Variants in SEC24D observed in about 807,000 individuals in gnomAD.
SEC24D encodes protein transport protein Sec24D.
SEC24D carries 69 observed loss-of-function variants against 116.9 expected under a neutral mutation model. The ratio of observed to expected loss-of-function variants is 0.59; its 90% confidence interval spans 0.49 to 0.72. The LOEUF (loss-of-function observed/expected upper bound fraction) is 0.72, where lower values mean the gene tolerates loss of function less well. Ranked by LOEUF, SEC24D falls within the 30% of genes least tolerant of loss-of-function variation. SEC24D has a pLI of 0.00. For synonymous variants in SEC24D, 405 were observed against 442.8 expected (o/e 0.91, Z 1.07); for missense variants, 1,131 against 1,264.1 (o/e 0.89, Z 1.60).
At chr4:118,814,577 C>T (rs546896483) in intron 6 of SEC24D, among the ~76,000 whole-genome samples, 6 of 152,124 alleles carry the variant, frequency 3.9e-5, no homozygotes, top group African/African-American at 1.2e-4. Flanking sequence ...TTAGTTCTAA[C>T]TTTACATTAA....
At chr4:118,798,372 C>T (rs899535959) in intron 7 of SEC24D, among the ~76,000 whole-genome samples, 2 of 151,920 alleles carry the variant, frequency 1.3e-5, no homozygotes, top group South Asian at 2.1e-4. Flanking sequence ...TCAAAAACAC[C>T]CTAAACTATT....
chr4:118,790,376 G>A (rs1334903818), intron 8 of SEC24D, among the ~76,000 whole-genome samples: 2 of 151,998 alleles, frequency 1.3e-5, no homozygotes, highest in Non-Finnish European at 2.9e-5. Context: ...CTATTTTAGA[G>A]AAAAAAATGC....
chr4:118,752,611 A>G, intron 12 of SEC24D, 86 bp downstream of exon 12: 1 of 909,778 alleles, frequency 1.1e-6, no homozygotes, highest in East Asian at 2.8e-5. Flanking sequence ...CTAATGATAA[A>G]ACAATGTATG....
intron 7 of SEC24D, among the ~76,000 whole-genome samples, chr4:118,805,462 T>C (rs1351038658): frequency 6.6e-6 from 1 of 152,218 alleles, no homozygotes; most frequent in Admixed American, 6.5e-5. Context: ...GAAAATATTG[T>C]TGGGGCTAGA....
intron 10 of SEC24D, among the ~76,000 whole-genome samples, chr4:118,762,248 T>G (rs376574962): frequency 5.3e-5 from 8 of 152,260 alleles, no homozygotes; most frequent in Admixed American, 4.6e-4. Context: ...TCCAGGATGA[T>G]TGTGTTAATA....
chr4:118,726,222 G>A (rs1006036466), intron 22 of SEC24D, among the ~76,000 whole-genome samples: 1 of 152,330 alleles, frequency 6.6e-6, no homozygotes, highest in South Asian at 2.1e-4. Context: ...CATGTTGAGC[G>A]AGAAGAGAGC....
At chr4:118,814,712 T>C (rs1730062582) in intron 6 of SEC24D, among the ~76,000 whole-genome samples, 1 of 152,132 alleles carries the variant, frequency 6.6e-6, no homozygotes, top group Non-Finnish European at 1.5e-5. Context: ...AGTCTGTTAA[T>C]TACTCATTAG....
intron 3 of SEC24D, among the ~76,000 whole-genome samples, chr4:118,818,918 C>T (rs115841156): frequency 0.044 from 6,661 of 152,266 alleles, 202 homozygotes; most frequent in Non-Finnish European, 0.064. Flanking sequence ...TCCTGTCAAA[C>T]TTTTCAAAAA....
intron 21 of SEC24D, chr4:118,730,113 C>T (rs1366525679): frequency 6.6e-6 from 1 of 152,188 alleles, no homozygotes; most frequent in Non-Finnish European, 1.5e-5. Context: ...CTGGCTATTT[C>T]CTGTGGATGT....
intron 1 of SEC24D, among the ~76,000 whole-genome samples, chr4:118,835,656 G>C (rs917573773): frequency 6.6e-6 from 1 of 152,232 alleles, no homozygotes; most frequent in East Asian, 1.9e-4. Context: ...ACACTCGAAT[G>C]GTGGCCACTG....
chr4:118,816,969 C>A, intron 4 of SEC24D: 1 of 342,182 alleles, frequency 2.9e-6, no homozygotes, highest in Non-Finnish European at 5.4e-6. Context: ...AATAATTTCA[C>A]TATTCTAATG....
chr4:118,738,545 AT>A (rs1560614669), intron 18 of SEC24D, among the ~76,000 whole-genome samples, 166 bp from the exon 19 acceptor site: 1 of 152,228 alleles, frequency 6.6e-6, no homozygotes, highest in Non-Finnish European at 1.5e-5. Context: ...TCTTGACTAA[AT>A]ATGATGATCT....
At chr4:118,812,059 C>T (rs1466137092) in intron 6 of SEC24D, among the ~76,000 whole-genome samples, 1 of 152,160 alleles carries the variant, frequency 6.6e-6, no homozygotes, top group Non-Finnish European at 1.5e-5. Flanking sequence ...CAAGCCTAAG[C>T]TTCAAAAGGC....
At position 118,752,693 on chromosome 4, in the gene SEC24D, T is replaced by G. The variant is rs893084977; in HGVS notation, c.1613+4A>C. ...TTTTAAATTATAAAACACTTGATAT[T>G]TACTTATGAATCACAGATTGGGATT... is the stretch of plus-strand genomic sequence containing the variant. On this transcript the variant is annotated splice_donor_region_variant and intron_variant, in intron 12 of 22. Transcript: ENST00000280551. 2.5e-6 allele frequency: 4 copies of G among 1,585,568 alleles called. No individual in the cohort carries two copies. The African/African-American group carries it at 5.4e-5, about 22-fold the overall frequency.
chr4:118,723,424 T>G lies in SEC24D; in HGVS notation c.*91A>C. The stretch of plus-strand genomic sequence containing the variant: ...AGTTATTCTGAAAATGAGCAAGAAA[T>G]CAAAACTAGCCTATTATCATCTAGA... On this transcript the variant is annotated 3_prime_UTR_variant, in exon 23 of 23. Coordinates refer to ENST00000280551, the MANE Select transcript of SEC24D (RefSeq NM_014822.4). 7.6e-7 allele frequency: 1 copy of G among 1,324,290 alleles called. No homozygotes were observed. The highest frequency in any genetic ancestry group is 1.0e-6 in the Non-Finnish European group (1 of 962,804). 82.0% of individuals were successfully genotyped at this position (1,324,290 alleles called of 1,614,324 possible). A position where few individuals can be genotyped will look rare whatever the true frequency, so the allele number is the denominator to read the frequency against.
chr4:118,723,765 G>A, intron 22 of SEC24D, 110 bp from the exon 23 acceptor site: 1 of 1,191,208 alleles, frequency 8.4e-7, no homozygotes, highest in Admixed American at 2.3e-5. Context: ...TGCCCATTAT[G>A]TGTGAGGCTA....
chr4:118,788,458 T>G (rs1482960498), intron 8 of SEC24D, among the ~76,000 whole-genome samples: 1 of 152,246 alleles, frequency 6.6e-6, no homozygotes, highest in African/African-American at 2.4e-5. Flanking sequence ...TTGGAAAAAG[T>G]AGCCAGTTTT....
intron 9 of SEC24D, among the ~76,000 whole-genome samples, chr4:118,765,994 GA>G (rs1473785371): frequency 6.6e-6 from 1 of 152,176 alleles, no homozygotes; most frequent in Non-Finnish European, 1.5e-5. Flanking sequence ...AGGCTCAGCT[GA>G]GGTAAGTAAA....
Position 118,739,151 on chromosome 4 carries a change from G to T in SEC24D, c.2375C>A (p.Ser792Ter). 1 of 1,613,254 alleles carries T rather than the reference G, an allele frequency of 6.2e-7. No individual in the cohort carries two copies. The highest frequency in any genetic ancestry group is 1.1e-5 in the South Asian group (1 of 91,006). Reference sequence around the variant, plus strand: ...CCTCAGGATTGGCAAAGTGTTACCTGACTTGGCAAAGAAGTTGATAAGAGC... The same window carrying T: ...CCTCAGGATTGGCAAAGTGTTACCTTACTTGGCAAAGAAGTTGATAAGAGC... Reference protein sequence around the residue: ...TDALINFFAKSAFKAVLHQPL... With the variant: ...TDALINFFAK Residue 792 changes from serine (S) to a stop codon, truncating the protein, a stop_gained and splice_region_variant, in exon 18 of 23, where the codon TCA becomes TAA. Transcript: ENST00000280551. LOFTEE classifies it high-confidence loss of function.
Sources: allele counts gnomAD v4.1 joint callset (sites outside exome capture counted in the v4.1 genomes callset), GRCh38; gene constraint gnomAD v4.1.1; transcripts MANE v1.5; gene names NCBI Gene and HGNC (gene_info 2026-07-23, HGNC 2026-07-21).